ASAP2: variants seen among roughly 807,000 people sequenced by gnomAD.
The protein encoded by ASAP2 is ArfGAP with SH3 domain, ankyrin repeat and PH domain 2, also known as arf-GAP with SH3 domain, ANK repeat and PH domain-containing protein 2.
In ASAP2, 45 loss-of-function variants were observed where a neutral mutation model predicts 131.4. The observed-to-expected ratio is 0.34, with a 90% CI of 0.27 to 0.44. ASAP2 has a LOEUF of 0.44. Ranked by LOEUF, ASAP2 falls within the 20% of genes least tolerant of loss-of-function variation. The pLI is 1.00. For missense variants in ASAP2, 1,011 were observed against 1,297.0 expected, an observed-to-expected ratio of 0.78 and a Z score of 3.39; for synonymous variants, 510 against 503.0, an observed-to-expected ratio of 1.01 and a Z score of -0.19.
At chr2:9,293,649 C>G (rs1250995202) in intron 2 of ASAP2, among the ~76,000 whole-genome samples, 1 of 152,100 alleles carries the variant, frequency 6.6e-6, no homozygotes, top group Non-Finnish European at 1.5e-5. Flanking sequence ...AGCAGTGGGT[C>G]AGTCAGTGCC....
At chr2:9,267,600 A>C (rs757316469) in intron 1 of ASAP2, among the ~76,000 whole-genome samples, 4 of 152,100 alleles carry the variant, frequency 2.6e-5, no homozygotes, top group Non-Finnish European at 4.4e-5. Flanking sequence ...ATGACATTTA[A>C]AGAATGATTA....
intron 1 of ASAP2, among the ~76,000 whole-genome samples, chr2:9,236,981 C>T (rs1048312176): frequency 3.3e-5 from 5 of 152,018 alleles, no homozygotes; most frequent in African/African-American, 7.2e-5. Flanking sequence ...GACGGGCAGG[C>T]GGACCAGGCA....
chr2:9,332,532 T>C (rs28485612), intron 7 of ASAP2, among the ~76,000 whole-genome samples: 4,766 of 152,338 alleles, frequency 0.031, 192 homozygotes, highest in African/African-American at 0.099. Context: ...TTCATCGTCA[T>C]GCTGGAAACA....
chr2:9,363,150 G>C (rs564247172), intron 15 of ASAP2, among the ~76,000 whole-genome samples: 1 of 152,238 alleles, frequency 6.6e-6, no homozygotes, highest in African/African-American at 2.4e-5. Flanking sequence ...AGGTCGAATA[G>C]TATTCCATTA....
chr2:9,325,215 A>G (rs1183093376), intron 6 of ASAP2, among the ~76,000 whole-genome samples: 1 of 152,138 alleles, frequency 6.6e-6, no homozygotes, highest in African/African-American at 2.4e-5. Context: ...TGCATTCTCA[A>G]AAGAAAAGCA....
At chr2:9,348,948 G>A (rs1037274156) in intron 11 of ASAP2, among the ~76,000 whole-genome samples, 2 of 152,074 alleles carry the variant, frequency 1.3e-5, no homozygotes, top group African/African-American at 4.8e-5. Context: ...GTTGAGCCCC[G>A]AGCCCTGGAG....
rs928438004 is a variant in ASAP2, at chr2:9,389,443, A to G, written c.2383+897A>G. Among the ~76,000 whole-genome samples the G allele has an allele frequency of 6.6e-6, 1 of 152,174 alleles. No individual in the cohort carries two copies. Among genetic ancestry groups the G allele is most frequent in the African/African-American group, 2.4e-5 (1 of 41,460 alleles). On this transcript the variant is annotated intron_variant, in intron 22 of 27. Transcript: ENST00000281419. The surrounding 1 kb of genome is among the most constrained non-coding windows in gnomAD (Gnocchi z 4.7). Reference sequence around the variant, plus strand: ...CCCAAATACATCCCAAACTGTCCTTATGTGGTAGCTGCTAGCTGGGCAGGC... The same window carrying G: ...CCCAAATACATCCCAAACTGTCCTTGTGTGGTAGCTGCTAGCTGGGCAGGC...
In ASAP2 at chr2:9,328,848, G is replaced by T. The variant is rs1410642103; in HGVS notation, c.686+937G>T. Among the ~76,000 whole-genome samples the T allele has an allele frequency of 2.0e-5, 3 of 152,328 alleles. No homozygotes were observed. The East Asian group carries it at 5.8e-4, about 29-fold the overall frequency. On this transcript the variant is annotated intron_variant, in intron 7 of 27. Transcript: ENST00000281419. ...AAGAGTCAAGTAGGGAAGTTAGACT[G>T]AAAGAGACAAATTTCTAATTAGATG...
chr2:9,233,095 A>G (rs1663280904), intron 1 of ASAP2, among the ~76,000 whole-genome samples: 1 of 152,176 alleles, frequency 6.6e-6, no homozygotes, highest in Non-Finnish European at 1.5e-5. Flanking sequence ...GTTTTGTGGT[A>G]GAGAGATACA....
intron 1 of ASAP2, among the ~76,000 whole-genome samples, chr2:9,263,139 TC>T (rs983145650): frequency 9.2e-5 from 14 of 152,172 alleles, no homozygotes; most frequent in Non-Finnish European, 1.6e-4. Context: ...CTTTCCACTG[TC>T]TCGGTGTCCC....
intron 1 of ASAP2, among the ~76,000 whole-genome samples, chr2:9,211,548 A>C (rs561770340): frequency 6.6e-6 from 1 of 152,296 alleles, no homozygotes; most frequent in South Asian, 2.1e-4. Context: ...TGTAGTTTTA[A>C]AAATAAATTT....
chr2:9,323,173 C>T lies in ASAP2; in HGVS notation c.523C>T (p.Arg175Trp), dbSNP rs748052568. Reference sequence around the variant, plus strand: ...ACACGCCAAGCTCCATGGGATGATTCGGACTGAAATAAGCGGAGCGGAAAT... The same window carrying T: ...ACACGCCAAGCTCCATGGGATGATTTGGACTGAAATAAGCGGAGCGGAAAT... ...KEHAKLHGMI[R>W]TEISGAEIAE... Residue 175 changes from arginine (R) to tryptophan (W), a missense_variant, in exon 6 of 28, where the codon CGG becomes TGG. Arg to Trp is a moderately radical substitution (Grantham distance 101, BLOSUM62 -3). This residue lies in a region of ASAP2 where 359 missense variants were observed against 598.1 expected (regional missense o/e 0.60). Transcript: ENST00000281419. 1 of 1,614,204 alleles carries T rather than the reference C, an allele frequency of 6.2e-7. No individual in the cohort carries two copies. Among genetic ancestry groups the T allele is most frequent in the South Asian group, 1.1e-5 (1 of 91,084 alleles).
intron 1 of ASAP2, among the ~76,000 whole-genome samples, chr2:9,227,707 T>G (rs1167481957): frequency 1.3e-5 from 2 of 152,056 alleles, no homozygotes; most frequent in African/African-American, 4.8e-5. Flanking sequence ...ATTTGGGAGG[T>G]CCTCAGTAAC....
chr2:9,242,256 T>C (rs1239577659), intron 1 of ASAP2, among the ~76,000 whole-genome samples: 3 of 152,210 alleles, frequency 2.0e-5, no homozygotes, highest in African/African-American at 7.2e-5. Flanking sequence ...ACCTGGTCCA[T>C]GGGAAGTGCA....
At chr2:9,296,333 C>A (rs776950097) in intron 2 of ASAP2, among the ~76,000 whole-genome samples, 3 of 152,212 alleles carry the variant, frequency 2.0e-5, no homozygotes, top group Non-Finnish European at 4.4e-5. Context: ...TCCCCTCCCC[C>A]ATTCCTACCC....
At chr2:9,239,789 G>A (rs1663816125) in intron 1 of ASAP2, among the ~76,000 whole-genome samples, 2 of 151,942 alleles carry the variant, frequency 1.3e-5, no homozygotes, top group Admixed American at 1.3e-4. Flanking sequence ...TCAGTGGAGT[G>A]GTCACGGCTC....
chr2:9,290,381 T>C (rs1163281536), intron 2 of ASAP2, among the ~76,000 whole-genome samples: 1 of 152,042 alleles, frequency 6.6e-6, no homozygotes, highest in African/African-American at 2.4e-5. Context: ...GGCTAATTTT[T>C]GTATTTTTAT....
intron 1 of ASAP2, among the ~76,000 whole-genome samples, chr2:9,273,230 C>G (rs769086571): frequency 6.6e-6 from 1 of 152,054 alleles, no homozygotes; most frequent in Non-Finnish European, 1.5e-5. Context: ...CTTACATCAT[C>G]GTTTTATAGT....
intron 19 of ASAP2, 137 bp downstream of exon 19, chr2:9,379,196 C>T (rs1038468431): frequency 4.3e-5 from 21 of 488,018 alleles, no homozygotes; most frequent in Non-Finnish European, 6.6e-5. Context: ...GAGAACCTAC[C>T]GCTAATGAGA....
Sources: allele counts gnomAD v4.1 joint callset (sites outside exome capture counted in the v4.1 genomes callset), GRCh38; gene constraint gnomAD v4.1.1; regional missense constraint gnomAD v4.1.1; non-coding constraint Gnocchi (gnomAD v3.1); transcripts MANE v1.5; gene names NCBI Gene and HGNC (gene_info 2026-07-23, HGNC 2026-07-21).